The following CHN2 variants were observed in gnomAD, a reference collection of about 807,000 sequenced individuals.
CHN2 encodes the protein chimerin 2, also known as beta-chimaerin.
A neutral mutation model predicts 56.3 loss-of-function variants in CHN2; 35 were observed. That is an observed-to-expected ratio of 0.62 (90% CI 0.47 to 0.82). The LOEUF is 0.82. Among genes scored for constraint, CHN2 ranks in the 40% least tolerant of loss-of-function variants. The probability of loss-of-function intolerance (pLI) is 0.00; values close to 1 mark genes in which losing one functional copy is unlikely to be tolerated. For synonymous variants in CHN2, 210 were observed against 212.8 expected (o/e 0.99, Z 0.12); for missense variants, 491 against 580.5 (o/e 0.85, Z 1.58).
At chr7:29,197,778 A>G (rs1458806556) in intron 1 of CHN2, 1 of 357,086 alleles carries the variant, frequency 2.8e-6, no homozygotes, top group Non-Finnish European at 5.5e-6. Context: ...ACAAACATGC[A>G]AACAGCAACC....
In CHN2 at chr7:29,273,377, A is replaced by ATATATATATATATATATATATATG. The variant is rs1562882108; in HGVS notation, c.49+78399_49+78400insTATATATATATGTATATATATATA. Among the ~76,000 whole-genome samples the ATATATATATATATATATATATATG allele has an allele frequency of 5.3e-4, 28 of 52,372 alleles. 1 individual carries two copies. The highest frequency in any genetic ancestry group is 8.2e-4 in the Non-Finnish European group (24 of 29,296). 34.4% of individuals were successfully genotyped at this position (52,372 alleles called of 152,430 possible). On this transcript the variant is annotated intron_variant, in intron 1 of 12. Transcript: ENST00000222792. ...TATATATATATATATATATATATAT[A>ATATATATATATATATATATATATG]TATATATATATACACACACCACATT...
intron 2 of CHN2, among the ~76,000 whole-genome samples, chr7:29,366,824 A>G (rs894773121): frequency 4.6e-5 from 7 of 152,228 alleles, no homozygotes; most frequent in Non-Finnish European, 1.0e-4. Context: ...GAAAATAACC[A>G]CATTCAGCCA....
At position 29,273,323 on chromosome 7, in the gene CHN2, A is replaced by C. The variant is rs1267249554; in HGVS notation, c.49+78333A>C. ...TTCTAAGGCTGAATAATATTCCATCATGCATATATATATATATGTGTATAT... is the reference window on the plus strand; with the variant it reads ...TTCTAAGGCTGAATAATATTCCATCCTGCATATATATATATATGTGTATAT... On this transcript the variant is annotated intron_variant, in intron 1 of 12. Coordinates refer to ENST00000222792, the MANE Select transcript of CHN2 (RefSeq NM_004067.4). Among the ~76,000 whole-genome samples, 49 of 117,912 alleles carry C rather than the reference A, an allele frequency of 4.2e-4. 1 individual carries two copies. The highest frequency in any genetic ancestry group is 1.6e-3 in the African/African-American group (47 of 30,068). 77.4% of individuals were successfully genotyped at this position (117,912 alleles called of 152,430 possible).
At chr7:29,443,391 C>G (rs1323572159) in intron 6 of CHN2, among the ~76,000 whole-genome samples, 2 of 152,202 alleles carry the variant, frequency 1.3e-5, no homozygotes, top group African/African-American at 4.8e-5. Flanking sequence ...GCTCTGCCAT[C>G]TAGGTTTGTG....
chr7:29,499,333 G>A (rs1789678550), intron 8 of CHN2, among the ~76,000 whole-genome samples: 1 of 152,174 alleles, frequency 6.6e-6, no homozygotes, highest in South Asian at 2.1e-4. Context: ...AAGGAGGAAG[G>A]GATTGGAAAC....
intron 6 of CHN2, among the ~76,000 whole-genome samples, chr7:29,454,225 G>A (rs1212917154): frequency 1.4e-5 from 2 of 144,160 alleles, no homozygotes; most frequent in African/African-American, 2.7e-5. Context: ...CTAGGTACAG[G>A]GGAGCAGAGA....
rs529570832 is a variant in CHN2, at chr7:29,379,614, A to G, written c.144+11627A>G. 2.1e-4 allele frequency among the ~76,000 whole-genome samples: 32 copies of G among 152,358 alleles called. No individual in the cohort carries two copies. The South Asian group carries it at 6.4e-3, about 31-fold the overall frequency. On this transcript the variant is annotated intron_variant, in intron 3 of 12. Coordinates refer to ENST00000222792, the MANE Select transcript of CHN2 (RefSeq NM_004067.4). ...TGATGTGTATATGGGTGTTTACTGT[A>G]AAAGTCTTTCAACTTTTCTGTATGT...
At chr7:29,156,937 A>G (rs1794457551) in intron 2 of CHN2, among the ~76,000 whole-genome samples, 1 of 152,210 alleles carries the variant, frequency 6.6e-6, no homozygotes, top group African/African-American at 2.4e-5. Context: ...AAGAAAAGAC[A>G]TCTAACAAAC....
intron 2 of CHN2, among the ~76,000 whole-genome samples, chr7:29,158,979 C>G (rs1023165291): frequency 3.9e-5 from 6 of 152,110 alleles, no homozygotes; most frequent in Non-Finnish European, 7.3e-5. Flanking sequence ...TCGAAATATC[C>G]TATGTAGTTA....
chr7:29,509,265 C>G, intron 11 of CHN2, 36 bp from the exon 12 acceptor site: 3 of 1,508,026 alleles, frequency 2.0e-6, no homozygotes, highest in South Asian at 2.3e-5. Flanking sequence ...GAATGCCACA[C>G]TCTGAACTAA....
chr7:29,212,575 A>G, intron 1 of CHN2: 1 of 1,437,790 alleles, frequency 7.0e-7, no homozygotes, highest in Non-Finnish European at 9.8e-7. Flanking sequence ...ACGAGGTCCC[A>G]GTCAAGAAAC....
chr7:29,190,406 TAA>T (rs1449182936), upstream of CHN2, among the ~76,000 whole-genome samples: 3 of 152,178 alleles, frequency 2.0e-5, no homozygotes, highest in African/African-American at 7.2e-5. Context: ...TGACCTTCAC[TAA>T]AAAACACTCC....
intron 1 of CHN2, among the ~76,000 whole-genome samples, chr7:29,208,355 G>T (rs999033364): frequency 3.3e-5 from 5 of 152,142 alleles, no homozygotes; most frequent in African/African-American, 1.2e-4. Context: ...CCCTTCACGG[G>T]AGTGTGAAGA....
At chr7:29,257,323 G>A (rs1484889352) in intron 1 of CHN2, among the ~76,000 whole-genome samples, 8 of 152,066 alleles carry the variant, frequency 5.3e-5, no homozygotes, top group Non-Finnish European at 7.4e-5. Flanking sequence ...AGTGGCCTGC[G>A]GTCATCTCAA....
At chr7:29,253,859 T>A (rs991434896) in intron 1 of CHN2, among the ~76,000 whole-genome samples, 1 of 152,192 alleles carries the variant, frequency 6.6e-6, no homozygotes, top group Non-Finnish European at 1.5e-5. Context: ...ATATTTAAAG[T>A]GTCAATTATA....
intron 9 of CHN2, among the ~76,000 whole-genome samples, chr7:29,502,143 G>A (rs56774179): frequency 4.6e-5 from 7 of 152,270 alleles, no homozygotes; most frequent in African/African-American, 1.4e-4. Flanking sequence ...ACTATATTAT[G>A]TAGCCTGTAC....
intron 1 of CHN2, among the ~76,000 whole-genome samples, chr7:29,276,776 T>C (rs889897716): frequency 8.5e-5 from 13 of 152,302 alleles, no homozygotes; most frequent in Admixed American, 6.5e-5. Flanking sequence ...CCAGCTATTT[T>C]AGATCATTAT....
intron 6 of CHN2, among the ~76,000 whole-genome samples, chr7:29,403,078 G>C (rs1802346023): frequency 6.6e-6 from 1 of 151,994 alleles, no homozygotes; most frequent in Admixed American, 6.6e-5. Context: ...TGTGATGTTT[G>C]GTTGTCCCAA....
At chr7:29,331,165 T>C (rs1216309220) in intron 1 of CHN2, among the ~76,000 whole-genome samples, 1 of 152,180 alleles carries the variant, frequency 6.6e-6, no homozygotes, top group Non-Finnish European at 1.5e-5. Context: ...TTTGCTATGG[T>C]CTAGGGGGTG....
Sources: gnomAD v4.1 joint callset for allele counts (sites outside exome capture counted in the v4.1 genomes callset) on GRCh38, gnomAD v4.1.1 for gene constraint, MANE v1.5 for transcripts, NCBI Gene and HGNC (gene_info 2026-07-23, HGNC 2026-07-21) for gene names.